JMJD7: variants seen among roughly 807,000 people sequenced by gnomAD.
JMJD7 encodes the protein bifunctional peptidase and (3S)-lysyl hydroxylase JMJD7.
JMJD7 carries 41 observed loss-of-function variants against 41.1 expected under a neutral mutation model. That is an observed-to-expected ratio of 1.00 (90% CI 0.78 to 1.30). The LOEUF (loss-of-function observed/expected upper bound fraction) is 1.30, where lower values mean the gene tolerates loss of function less well. Among genes scored for constraint, JMJD7 ranks in the 50% most tolerant of loss-of-function variants. The pLI is 0.00. For synonymous variants in JMJD7, 202 were observed against 177.2 expected (o/e 1.14, Z -1.11); for missense variants, 480 against 420.7 (o/e 1.14, Z -1.23).
Position 41,833,393 on chromosome 15 carries a change from C to CATAT in JMJD7, c.65-1328_65-1325dup, listed in dbSNP as rs55860712. Among the ~76,000 whole-genome samples the CATAT allele has an allele frequency of 5.7e-3, 286 of 50,530 alleles. 17 individuals carry two copies. The highest frequency in any genetic ancestry group is 0.02 in the Middle Eastern group (2 of 98). The allele number at this position is 50,530 out of a possible 152,430, so 33.1% of individuals were successfully genotyped here. On this transcript the variant is annotated intron_variant, in intron 1 of 7. Coordinates refer to ENST00000397299, the MANE Select transcript of JMJD7 (RefSeq NM_001114632.2). The stretch of plus-strand genomic sequence containing the variant: ...ATAAACAGTTTATGTAGGTGAAATA[C>CATAT]ATATATATATATATATATATATTTT...
In JMJD7 at chr15:41,828,189, G is replaced by A; in HGVS notation, c.64+1G>A. On this transcript the variant is annotated splice_donor_variant, in intron 1 of 7. Transcript: ENST00000397299. LOFTEE classifies it high-confidence loss of function. ...CGAGAATTCCCGGCCGCTGCAAGGG[G>A]TGAGTGGCTCTCCCACAGGCTGCGG... 1.3e-6 allele frequency: 2 copies of A among 1,504,466 alleles called. No individual in the cohort carries two copies. The highest frequency in any genetic ancestry group is 1.5e-5 in the African/African-American group (1 of 67,862). 93.2% of individuals were successfully genotyped at this position (1,504,466 alleles called of 1,614,324 possible).
At chr15:41,829,542 G>T (rs757756570) in intron 1 of JMJD7, among the ~76,000 whole-genome samples, 7 of 152,160 alleles carry the variant, frequency 4.6e-5, no homozygotes, top group Admixed American at 2.6e-4. Context: ...TTCCACCTCA[G>T]CATTCCAAAG....
chr15:41,835,293 G>T (rs2065295280), intron 3 of JMJD7, 70 bp downstream of exon 3: 2 of 1,529,834 alleles, frequency 1.3e-6, no homozygotes, highest in Non-Finnish European at 1.7e-6. Context: ...CAGCCTGTTT[G>T]CCCTTAGGTG....
chr15:41,831,663 G>A (rs1320083015), intron 1 of JMJD7, among the ~76,000 whole-genome samples: 2 of 152,202 alleles, frequency 1.3e-5, no homozygotes, highest in Non-Finnish European at 2.9e-5. Flanking sequence ...AGAGAGAGGA[G>A]CTATCCTCTT....
intron 1 of JMJD7, among the ~76,000 whole-genome samples, chr15:41,833,000 C>CA (rs1295159291): frequency 1.9e-4 from 29 of 152,312 alleles, no homozygotes; most frequent in Admixed American, 1.8e-3. Flanking sequence ...GACAGGAAAT[C>CA]AGACTGGAAG....
At chr15:41,831,034 G>A (rs186220952) in intron 1 of JMJD7, among the ~76,000 whole-genome samples, 1 of 152,244 alleles carries the variant, frequency 6.6e-6, no homozygotes, top group Non-Finnish European at 1.5e-5. Flanking sequence ...CCTGAAGCCT[G>A]GGGGCTGGGC....
rs1363667551 is a variant in JMJD7 at position 41,836,825 on chromosome 15, G to T, written c.747G>T (p.Arg249=). ...ACCCCTTGGCGCCAGACCTAGCACG[G>T]TACCCTAGTTACAGTCAGGCCCAGG... is the stretch of plus-strand genomic sequence containing the variant. ...PLDPLAPDLA[R]YPSYSQAQAL... is the part of the protein sequence containing the mutation. Residue 249 remains arginine, a synonymous_variant, in exon 7 of 8, where the codon CGG becomes CGT. Transcript: ENST00000397299. 2 of 1,612,476 alleles carry T rather than the reference G, an allele frequency of 1.2e-6. No homozygotes were observed. The highest frequency in any genetic ancestry group is 2.7e-5 in the African/African-American group (2 of 74,890).
In JMJD7 at chr15:41,836,932, G is replaced by T; in HGVS notation, c.854G>T (p.Cys285Phe). ...WFHHVQQSQG[C>F]IAVNFWYDME... ...CACCACGTCCAGCAGTCCCAGGGCT[G>T]CATCGCAGGTGAAGAGTTGCCCAGG... The change falls in exon 7 of 8, where the codon TGC (cysteine) becomes TTC (phenylalanine). Residue 285 changes from cysteine (C) to phenylalanine (F), a missense_variant. Physicochemically the swap from Cys to Phe is radical, Grantham distance 205 (BLOSUM62 -2). Coordinates refer to ENST00000397299, the MANE Select transcript of JMJD7 (RefSeq NM_001114632.2). 6.2e-7 allele frequency: 1 copy of T among 1,612,942 alleles called. No individual in the cohort carries two copies. Among genetic ancestry groups the T allele is most frequent in the Non-Finnish European group, 8.5e-7 (1 of 1,179,304 alleles).
chr15:41,829,461 G>A (rs147231531), intron 1 of JMJD7, among the ~76,000 whole-genome samples: 1 of 152,158 alleles, frequency 6.6e-6, no homozygotes, highest in African/African-American at 2.4e-5. Flanking sequence ...ACAGGCATGC[G>A]CCACCACGCC....
chr15:41,828,114 C>G lies in JMJD7; in HGVS notation c.-11C>G, dbSNP rs569606207. 3 of 1,446,800 alleles carry G rather than the reference C, an allele frequency of 2.1e-6. No homozygotes were observed. Among genetic ancestry groups the G allele is most frequent in the Non-Finnish European group, 2.7e-6 (3 of 1,102,896 alleles). 89.6% of individuals were successfully genotyped at this position (1,446,800 alleles called of 1,614,324 possible). A position where few individuals can be genotyped will look rare whatever the true frequency, so the allele number is the denominator to read the frequency against. On this transcript the variant is annotated 5_prime_UTR_variant, in exon 1 of 8. Transcript: ENST00000397299. Reference sequence around the variant, plus strand: ...GGGAAAGGCGGGGTCTCGGCCGGCGCTGACGCAGCCATGGCGGAGGCGGCT... The same window carrying G: ...GGGAAAGGCGGGGTCTCGGCCGGCGGTGACGCAGCCATGGCGGAGGCGGCT...
At chr15:41,830,398 G>A (rs572662308) in intron 1 of JMJD7, among the ~76,000 whole-genome samples, 37 of 152,356 alleles carry the variant, frequency 2.4e-4, no homozygotes, top group Admixed American at 3.9e-4. Flanking sequence ...CACCTTGCCC[G>A]CCGCCGCTGT....
intron 6 of JMJD7, 113 bp downstream of exon 6, chr15:41,836,664 C>T (rs1406549571): frequency 2.1e-5 from 31 of 1,466,906 alleles, no homozygotes; most frequent in East Asian, 4.9e-5. Flanking sequence ...GTCTCTAAGT[C>T]TGAGGCCTTT....
In JMJD7 at chr15:41,834,751, C is replaced by T. The variant is rs1293669048; in HGVS notation, c.76C>T (p.Pro26Ser). 1 of 1,614,078 alleles carries T rather than the reference C, an allele frequency of 6.2e-7. No homozygotes were observed. Among genetic ancestry groups the T allele is most frequent in the Admixed American group, 1.7e-5 (1 of 60,024 alleles). The change falls in exon 2 of 8, where the codon CCT becomes TCT. Residue 26 changes from proline (P) to serine (S), a missense_variant. By Grantham distance (74) the Pro-to-Ser change is moderately conservative. Coordinates refer to ENST00000397299, the MANE Select transcript of JMJD7 (RefSeq NM_001114632.2). Reference sequence around the variant, plus strand: ...CTTCTTTCTCTCAGAGCTCTGCGTGCCTCTTGCTGTGCCCTACCTGGACAA... The same window carrying T: ...CTTCTTTCTCTCAGAGCTCTGCGTGTCTCTTGCTGTGCCCTACCTGGACAA... ...FPAAARELCV[P>S]LAVPYLDKPP...
intron 1 of JMJD7, chr15:41,828,644 CCTT>C (rs1424768151): frequency 6.3e-6 from 1 of 157,586 alleles, no homozygotes; most frequent in East Asian, 1.8e-4. Flanking sequence ...TTCCCTCCTT[CCTT>C]CTTTTTTCTA....
At chr15:41,834,718 C>G in intron 1 of JMJD7, 22 bp from the exon 2 acceptor site, 1 of 1,611,740 alleles carries the variant, frequency 6.2e-7, no homozygotes, top group Admixed American at 1.7e-5. Context: ...CCTTCCATCC[C>G]CTGTCTTCTT....
rs185679043 is a variant in JMJD7, at chr15:41,833,849, A to G, written c.65-891A>G. The stretch of plus-strand genomic sequence containing the variant: ...ATAGTCAGAGAAGGAAGTCTTATCA[A>G]TGTGATATTTGAGTGAGGACCCAAA... On this transcript the variant is annotated intron_variant, in intron 1 of 7. Transcript: ENST00000397299. 3.1e-3 allele frequency among the ~76,000 whole-genome samples: 476 copies of G among 152,292 alleles called. 14 individuals carry two copies. Among genetic ancestry groups the G allele is most frequent in the Non-Finnish European group, 8.5e-4 (58 of 68,022 alleles).
Position 41,835,031 on chromosome 15 carries a change from G to A in JMJD7, c.280G>A (p.Val94Met), listed in dbSNP as rs781407834. The change falls in exon 3 of 8, where the codon GTG becomes ATG. Residue 94 changes from valine (V) to methionine (M), a missense_variant. Physicochemically the swap from Val to Met is conservative, Grantham distance 21 (BLOSUM62 1). Coordinates refer to ENST00000397299, the MANE Select transcript of JMJD7 (RefSeq NM_001114632.2). The stretch of plus-strand genomic sequence containing the variant: ...GACCCCAGATGGTTACGCGGATGCC[G>A]TGAGAGGGGATCGCTTCATGATGCC... ...AVTPDGYADA[V>M]RGDRFMMPAE... The A allele has an allele frequency of 1.4e-5, 22 of 1,614,058 alleles. No individual in the cohort carries two copies. In the South Asian group the frequency reaches 1.6e-4, roughly 12 times the overall value.
At chr15:41,831,830 C>T (rs2065232901) in intron 1 of JMJD7, among the ~76,000 whole-genome samples, 1 of 152,152 alleles carries the variant, frequency 6.6e-6, no homozygotes, top group Non-Finnish European at 1.5e-5. Flanking sequence ...GGATGCAGGA[C>T]AAGAATTGGG....
In JMJD7 at chr15:41,836,880, A is replaced by G; in HGVS notation, c.802A>G (p.Met268Val). 2 of 1,613,404 alleles carry G rather than the reference A, an allele frequency of 1.2e-6. No individual in the cohort carries two copies. Among genetic ancestry groups the G allele is most frequent in the African/African-American group, 2.7e-5 (2 of 74,986 alleles). ...TCGCTGCACGGTGCGGGCCGGTGAGATGCTCTATCTGCCGGCTCTGTGGTT... is the reference window on the plus strand; with the variant it reads ...TCGCTGCACGGTGCGGGCCGGTGAGGTGCTCTATCTGCCGGCTCTGTGGTT... Reference protein sequence around the residue: ...ALRCTVRAGEMLYLPALWFHH... With the variant: ...ALRCTVRAGEVLYLPALWFHH... The change falls in exon 7 of 8, where the codon ATG becomes GTG. Residue 268 changes from methionine (M) to valine (V), a missense_variant. Coordinates refer to ENST00000397299, the MANE Select transcript of JMJD7 (RefSeq NM_001114632.2).
Sources: gnomAD v4.1 joint callset for allele counts (sites outside exome capture counted in the v4.1 genomes callset) on GRCh38, gnomAD v4.1.1 for gene constraint, MANE v1.5 for transcripts, NCBI Gene and HGNC (gene_info 2026-07-23, HGNC 2026-07-21) for gene names.